ZNF704: variants seen among roughly 807,000 people sequenced by gnomAD.
ZNF704 encodes zinc finger protein 704.
ZNF704 carries 10 observed loss-of-function variants against 44.7 expected under a neutral mutation model. The observed-to-expected ratio is 0.22, with a 90% CI of 0.14 to 0.38. The LOEUF (loss-of-function observed/expected upper bound fraction) is 0.38, where lower values mean the gene tolerates loss of function less well. ZNF704 is among the 10% of genes least tolerant of loss of function. ZNF704 has a pLI of 1.00. For synonymous variants in ZNF704, 211 were observed against 207.6 expected (o/e 1.02, Z -0.14); for missense variants, 390 against 545.5 (o/e 0.71, Z 2.84).
rs1389095868 is a variant in ZNF704, at chr8:80,734,321, A to AT, written c.222-41215_222-41214insA. Among the ~76,000 whole-genome samples the AT allele has an allele frequency of 3.9e-5, 6 of 152,248 alleles. No individual in the cohort carries two copies. The South Asian group carries it at 1.2e-3, about 32-fold the overall frequency. The stretch of plus-strand genomic sequence containing the variant: ...TCCACAGGACCCTGGGAATATTTCC[A>AT]CGTTTTCTGGATTGTTTAATATTAC... On this transcript the variant is annotated intron_variant, in intron 2 of 8. Coordinates refer to ENST00000327835, the MANE Select transcript of ZNF704 (RefSeq NM_001033723.3).
chr8:80,648,539 GTTATCTA>G (rs1817867249), intron 7 of ZNF704, among the ~76,000 whole-genome samples: 1 of 152,146 alleles, frequency 6.6e-6, no homozygotes, highest in African/African-American at 2.4e-5. Context: ...AGGCAAGTAG[GTTATCTA>G]TTATCTCTTT....
intron 2 of ZNF704, among the ~76,000 whole-genome samples, chr8:80,757,411 T>G (rs1457862596): frequency 6.6e-6 from 1 of 152,072 alleles, no homozygotes; most frequent in Non-Finnish European, 1.5e-5. Context: ...AGCTATATAA[T>G]GTATCTGTGT....
intron 2 of ZNF704, among the ~76,000 whole-genome samples, chr8:80,729,401 C>T (rs150093527): frequency 1.8e-3 from 279 of 152,146 alleles, no homozygotes; most frequent in Non-Finnish European, 3.1e-3. Context: ...TTCATAGTGT[C>T]GTGAGGTGCC....
intron 1 of ZNF704, among the ~76,000 whole-genome samples, chr8:80,864,794 G>A (rs761590641): frequency 2.0e-5 from 3 of 152,182 alleles, no homozygotes; most frequent in Non-Finnish European, 4.4e-5. Flanking sequence ...GCAAATTAGA[G>A]GTAGAAGGTG....
intron 2 of ZNF704, among the ~76,000 whole-genome samples, chr8:80,717,736 A>G (rs117620541): frequency 0.015 from 2,325 of 152,254 alleles, 22 homozygotes; most frequent in South Asian, 0.043. Context: ...ACTTTAATCA[A>G]TTCTTCAAAC....
rs183197901 is a variant in ZNF704, at chr8:80,717,669, G to A, written c.222-24562C>T. Among the ~76,000 whole-genome samples, 34 of 152,240 alleles carry A rather than the reference G, an allele frequency of 2.2e-4. No homozygotes were observed. In the East Asian group the frequency reaches 5.4e-3, roughly 24 times the overall value. On this transcript the variant is annotated intron_variant, in intron 2 of 8. Coordinates refer to ENST00000327835, the MANE Select transcript of ZNF704 (RefSeq NM_001033723.3). The stretch of plus-strand genomic sequence containing the variant: ...CCCCTTTCCTAGGTTCTGTCCTCTT[G>A]TTGGGATTATTACCAGTTGGCTAGC...
rs1563497673 is a variant in ZNF704 at position 80,635,222 on chromosome 8, T to G, written c.*6144A>C. On this transcript the variant is annotated 3_prime_UTR_variant, in exon 9 of 9. Coordinates refer to ENST00000327835, the MANE Select transcript of ZNF704 (RefSeq NM_001033723.3). Reference sequence around the variant, plus strand: ...TGGGCTTGAAAAAACTGTACAGCATTATGAAATGGTTTTGGCAAAGCTCTG... The same window carrying G: ...TGGGCTTGAAAAAACTGTACAGCATGATGAAATGGTTTTGGCAAAGCTCTG... 1 of 152,210 alleles carries G rather than the reference T, an allele frequency of 6.6e-6. No individual in the cohort carries two copies. Among genetic ancestry groups the G allele is most frequent in the African/African-American group, 2.4e-5 (1 of 41,448 alleles). 9.4% of individuals were successfully genotyped at this position (152,210 alleles called of 1,614,324 possible).
chr8:80,843,971 GTATA>G (rs143495397), intron 1 of ZNF704, among the ~76,000 whole-genome samples: 11,135 of 143,242 alleles, frequency 0.078, 516 homozygotes, highest in Middle Eastern at 0.13. Flanking sequence ...ATATATATGT[GTATA>G]TATATATATA....
intron 1 of ZNF704, among the ~76,000 whole-genome samples, chr8:80,864,278 G>A (rs1809116788): frequency 6.6e-6 from 1 of 151,646 alleles, no homozygotes; most frequent in Non-Finnish European, 1.5e-5. Context: ...TTATCTCAAG[G>A]TATAAGATAC....
In ZNF704 at chr8:80,802,194, C is replaced by CAA. The variant is rs748625927; in HGVS notation, c.221+19178_221+19179dup. ...GAGGCAGTAATAAACGCCTACCAAC[C>CAA]AAAAAAAAAAAAAAAAAAAGCCCAG... On this transcript the variant is annotated intron_variant, in intron 2 of 8. Transcript: ENST00000327835. Among the ~76,000 whole-genome samples, 654 of 82,446 alleles carry CAA rather than the reference C, an allele frequency of 7.9e-3. 12 individuals are homozygous for CAA. Among genetic ancestry groups the CAA allele is most frequent in the African/African-American group, 0.019 (401 of 21,330 alleles). The allele number at this position is 82,446 out of a possible 152,430, so 54.1% of individuals were successfully genotyped here. A position where few individuals can be genotyped will look rare whatever the true frequency, so the allele number is the denominator to read the frequency against.
chr8:80,741,609 T>A (rs1412678407), intron 2 of ZNF704, among the ~76,000 whole-genome samples: 1 of 152,224 alleles, frequency 6.6e-6, no homozygotes, highest in South Asian at 2.1e-4. Context: ...AGCTTAAATA[T>A]CAGGCTCTTA....
chr8:80,670,386 C>T (rs1818260407), intron 5 of ZNF704, 117 bp downstream of exon 5: 3 of 718,688 alleles, frequency 4.2e-6, no homozygotes, highest in Non-Finnish European at 2.4e-6. Context: ...ATTAGGAAGA[C>T]CAAGCCAGCC....
At chr8:80,730,489 A>C (rs930273452) in intron 2 of ZNF704, among the ~76,000 whole-genome samples, 1 of 136,408 alleles carries the variant, frequency 7.3e-6, no homozygotes, top group Non-Finnish European at 1.5e-5. Flanking sequence ...CAGTGAGCCG[A>C]GGTCGTGCCA....
At chr8:80,681,812 T>G (rs1446105506) in intron 4 of ZNF704, among the ~76,000 whole-genome samples, 1 of 152,166 alleles carries the variant, frequency 6.6e-6, no homozygotes, top group Admixed American at 6.5e-5. Context: ...TTGGAAAGAT[T>G]GAGACTGGGC....
intron 2 of ZNF704, among the ~76,000 whole-genome samples, chr8:80,732,315 T>C (rs1210752256): frequency 1.3e-5 from 2 of 152,236 alleles, no homozygotes; most frequent in African/African-American, 2.4e-5. Flanking sequence ...AAATCCATCA[T>C]AGTAGCCAGC....
intron 1 of ZNF704, among the ~76,000 whole-genome samples, chr8:80,851,428 T>C (rs1291657717): frequency 6.6e-6 from 1 of 152,048 alleles, no homozygotes; most frequent in Non-Finnish European, 1.5e-5. Context: ...TGTAGGGACA[T>C]GGATGAAACT....
At chr8:80,801,164 T>C (rs954918141) in intron 2 of ZNF704, among the ~76,000 whole-genome samples, 4 of 152,176 alleles carry the variant, frequency 2.6e-5, no homozygotes. Context: ...CCCAGATTCA[T>C]AAAGCAAGTT....
intron 2 of ZNF704, among the ~76,000 whole-genome samples, chr8:80,714,884 T>C (rs1819048381): frequency 6.6e-6 from 1 of 152,172 alleles, no homozygotes; most frequent in Non-Finnish European, 1.5e-5. Flanking sequence ...TCACCACTAG[T>C]CTTTCTTTTC....
intron 1 of ZNF704, among the ~76,000 whole-genome samples, chr8:80,855,065 T>C (rs977552853): frequency 6.6e-6 from 1 of 152,180 alleles, no homozygotes; most frequent in Non-Finnish European, 1.5e-5. Flanking sequence ...AATTAAGTTA[T>C]CATGTTTGAC....
Sources: gnomAD v4.1 joint callset for allele counts (sites outside exome capture counted in the v4.1 genomes callset) on GRCh38, gnomAD v4.1.1 for gene constraint, MANE v1.5 for transcripts, NCBI Gene and HGNC (gene_info 2026-07-23, HGNC 2026-07-21) for gene names.